TMEM131L: variants seen among roughly 807,000 people sequenced by gnomAD.
The protein encoded by TMEM131L is transmembrane protein 131-like.
A neutral mutation model predicts 192.2 loss-of-function variants in TMEM131L; 54 were observed. The ratio of observed to expected loss-of-function variants is 0.28; its 90% CI spans 0.23 to 0.35. The LOEUF (loss-of-function observed/expected upper bound fraction) is 0.35, where lower values mean the gene tolerates loss of function less well. TMEM131L is among the 10% of genes least tolerant of loss of function. TMEM131L has a pLI of 1.00. For missense variants in TMEM131L, 1,888 were observed against 1,972.9 expected (o/e 0.96, Z 0.82); for synonymous variants, 701 against 704.9 (o/e 0.99, Z 0.09).
chr4:153,484,820 TA>T (rs1202314990), intron 3 of TMEM131L, among the ~76,000 whole-genome samples: 220 of 125,560 alleles, frequency 1.8e-3, no homozygotes, highest in Middle Eastern at 3.9e-3. Context: ...CTTTGGAAAT[TA>T]AAAAAAAAAA....
intron 3 of TMEM131L, among the ~76,000 whole-genome samples, chr4:153,506,942 A>G (rs1028621443): frequency 6.6e-6 from 1 of 152,186 alleles, no homozygotes; most frequent in African/African-American, 2.4e-5. Flanking sequence ...GTGGGGAATA[A>G]AAACCTCCCC....
chr4:153,556,902 T>A, intron 5 of TMEM131L, 64 bp from the exon 6 acceptor site: 1 of 762,840 alleles, frequency 1.3e-6, no homozygotes, highest in Admixed American at 2.2e-5. Context: ...AAAAAGAAAG[T>A]CTGTGAAAGA....
chr4:153,603,506 T>G (rs1280257881), intron 24 of TMEM131L, 54 bp downstream of exon 24: 1 of 1,527,694 alleles, frequency 6.5e-7, no homozygotes, highest in Non-Finnish European at 8.9e-7. Context: ...ACTTTTGATA[T>G]TACTCATTTC....
At chr4:153,476,622 G>C (rs1262287580) in intron 3 of TMEM131L, among the ~76,000 whole-genome samples, 1 of 152,072 alleles carries the variant, frequency 6.6e-6, no homozygotes, top group Non-Finnish European at 1.5e-5. Context: ...GCATGAACCC[G>C]GGAGGCGGAG....
At chr4:153,494,160 G>C (rs1454523869) in intron 3 of TMEM131L, among the ~76,000 whole-genome samples, 1 of 152,138 alleles carries the variant, frequency 6.6e-6, no homozygotes, top group Non-Finnish European at 1.5e-5. Context: ...AAGGATCCCA[G>C]GGGTTAGTCT....
rs567135459 is a variant in TMEM131L at position 153,487,359 on chromosome 4, GGTGGATCGA to G, written c.239+13475_239+13483del. Among the ~76,000 whole-genome samples the G allele has an allele frequency of 2.2e-4, 33 of 152,258 alleles. No individual in the cohort carries two copies. In the East Asian group the frequency reaches 4.2e-3, roughly 20 times the overall value. On this transcript the variant is annotated intron_variant, in intron 3 of 34. Transcript: ENST00000409959. The stretch of plus-strand genomic sequence containing the variant: ...CTTCATAGGGTATGGAGTGTTAGCT[GGTGGATCGA>G]GTGTGTCCGAAGAAGTTCTGCTGCA...
chr4:153,620,505 C>G (rs1733313734), intron 26 of TMEM131L, among the ~76,000 whole-genome samples: 1 of 152,240 alleles, frequency 6.6e-6, no homozygotes, highest in South Asian at 2.1e-4. Context: ...AAATTGCTAG[C>G]AGATGTTTTT....
intron 3 of TMEM131L, among the ~76,000 whole-genome samples, chr4:153,488,556 C>A (rs1732530489): frequency 1.3e-5 from 2 of 152,212 alleles, no homozygotes; most frequent in South Asian, 4.1e-4. Context: ...GCCTCCCCAG[C>A]CACACAGCAA....
chr4:153,522,211 G>T (rs1037377171), intron 3 of TMEM131L, among the ~76,000 whole-genome samples: 2 of 152,174 alleles, frequency 1.3e-5, no homozygotes, highest in East Asian at 3.8e-4. Flanking sequence ...ACCCTCAACC[G>T]CCATTTGTGA....
chr4:153,617,653 A>G (rs556379440), intron 26 of TMEM131L, among the ~76,000 whole-genome samples: 1 of 152,344 alleles, frequency 6.6e-6, no homozygotes, highest in South Asian at 2.1e-4. Flanking sequence ...ATGTAGAGGT[A>G]AATGTCTAAC....
At chr4:153,582,170 CTG>C in intron 9 of TMEM131L, among the ~76,000 whole-genome samples, 2 of 152,120 alleles carry the variant, frequency 1.3e-5, no homozygotes, top group Non-Finnish European at 2.9e-5. Flanking sequence ...CTGAATGTGA[CTG>C]TATATTTGTA....
chr4:153,634,497 G>A (rs1272563495), intron 33 of TMEM131L, among the ~76,000 whole-genome samples: 1 of 152,070 alleles, frequency 6.6e-6, no homozygotes, highest in Non-Finnish European at 1.5e-5. Context: ...GGGTGTCTGG[G>A]GGCTTCAAAA....
At chr4:153,500,969 G>T (rs1336857692) in intron 3 of TMEM131L, among the ~76,000 whole-genome samples, 6 of 152,112 alleles carry the variant, frequency 3.9e-5, no homozygotes, top group South Asian at 2.1e-4. Context: ...AATGCTATCA[G>T]TTGATAATAG....
intron 26 of TMEM131L, among the ~76,000 whole-genome samples, chr4:153,617,182 G>A (rs112610455): frequency 0.039 from 5,923 of 152,204 alleles, 205 homozygotes; most frequent in Admixed American, 0.086. Flanking sequence ...TTAAAAATGG[G>A]AGTTTCCCTG....
chr4:153,571,653 G>A (rs759398255), intron 7 of TMEM131L, among the ~76,000 whole-genome samples: 1 of 152,102 alleles, frequency 6.6e-6, no homozygotes, highest in African/African-American at 2.4e-5. Context: ...TTGGCCTCCC[G>A]AGCTCAGGTG....
chr4:153,492,413 A>T (rs189721501), intron 3 of TMEM131L, among the ~76,000 whole-genome samples: 2 of 152,248 alleles, frequency 1.3e-5, no homozygotes, highest in African/African-American at 2.4e-5. Context: ...TTCCAAATTG[A>T]TGAGGCTTCA....
chr4:153,567,051 C>T (rs1729256245), intron 7 of TMEM131L, among the ~76,000 whole-genome samples: 1 of 152,176 alleles, frequency 6.6e-6, no homozygotes, highest in Admixed American at 6.5e-5. Context: ...TGCTACTTGC[C>T]TTCTAAGGTG....
At chr4:153,478,150 G>A (rs1731682823) in intron 3 of TMEM131L, among the ~76,000 whole-genome samples, 1 of 151,788 alleles carries the variant, frequency 6.6e-6, no homozygotes, top group South Asian at 2.1e-4. Flanking sequence ...GCTTTTTTTG[G>A]GTTGAGGTCT....
At chr4:153,544,755 C>G (rs1050941938) in intron 3 of TMEM131L, among the ~76,000 whole-genome samples, 1 of 152,188 alleles carries the variant, frequency 6.6e-6, no homozygotes, top group Non-Finnish European at 1.5e-5. Context: ...GGTTTTCGCT[C>G]TTCTGTTTTT....
Sources: gnomAD v4.1 joint callset for allele counts (sites outside exome capture counted in the v4.1 genomes callset) on GRCh38, gnomAD v4.1.1 for gene constraint, MANE v1.5 for transcripts, NCBI Gene and HGNC (gene_info 2026-07-23, HGNC 2026-07-21) for gene names.